MARCHF1: variants seen among roughly 807,000 people sequenced by gnomAD.
MARCHF1 encodes the protein E3 ubiquitin-protein ligase MARCHF1.
A neutral mutation model predicts 54.2 loss-of-function variants in MARCHF1; 40 were observed. The observed-to-expected ratio is 0.74, with a 90% confidence interval of 0.57 to 0.96. MARCHF1 has a LOEUF of 0.96. Among genes scored for constraint, MARCHF1 ranks in the 40% least tolerant of loss-of-function variants. The probability of loss-of-function intolerance (pLI) is 0.00; values close to 1 mark genes in which losing one functional copy is unlikely to be tolerated. For missense variants in MARCHF1, 586 were observed against 656.5 expected (o/e 0.89, Z 1.17); for synonymous variants, 236 against 236.3 (o/e 1.00, Z 0.01).
chr4:164,176,996 A>C (rs1230627978), intron 1 of MARCHF1, among the ~76,000 whole-genome samples: 6 of 90,064 alleles, frequency 6.7e-5, no homozygotes, highest in African/African-American at 3.2e-4. Context: ...ATATATATAT[A>C]TATATATATA....
At chr4:164,235,461 ATAAAGT>A (rs1732522001) in intron 1 of MARCHF1, among the ~76,000 whole-genome samples, 1 of 152,162 alleles carries the variant, frequency 6.6e-6, no homozygotes, top group South Asian at 2.1e-4. Flanking sequence ...ACCTTCTCAG[ATAAAGT>A]TAAAGTTGTC....
intron 1 of MARCHF1, among the ~76,000 whole-genome samples, chr4:164,127,032 C>T (rs994898802): frequency 1.3e-4 from 17 of 130,930 alleles, no homozygotes; most frequent in African/African-American, 3.9e-4. Flanking sequence ...CTACCCTGGG[C>T]GACAGAGTGA....
rs149480011 is a variant in MARCHF1 at position 163,773,688 on chromosome 4, C to A, written c.112-72825G>T. ...TGGGTGACACCTCATTTTTCACACA[C>A]CTCACAGGGACAACAGCCTCAAGGG... On this transcript the variant is annotated intron_variant, in intron 4 of 9. Coordinates refer to ENST00000514618, the MANE Select transcript of MARCHF1 (RefSeq NM_001394959.1). Among the ~76,000 whole-genome samples, 53 of 152,248 alleles carry A rather than the reference C, an allele frequency of 3.5e-4. 1 individual carries two copies. The East Asian group carries it at 0.01, about 29-fold the overall frequency.
At chr4:163,631,218 A>G (rs1286090648) in intron 5 of MARCHF1, among the ~76,000 whole-genome samples, 1 of 150,826 alleles carries the variant, frequency 6.6e-6, no homozygotes, top group East Asian at 1.9e-4. Flanking sequence ...TTTTTTTGAG[A>G]TGGAGTCTCT....
chr4:163,657,299 C>G (rs1237970400), intron 5 of MARCHF1, among the ~76,000 whole-genome samples: 1 of 151,960 alleles, frequency 6.6e-6, no homozygotes, highest in Non-Finnish European at 1.5e-5. Context: ...TGAATGAACT[C>G]CCATTCACAA....
At chr4:163,622,835 A>G (rs1741735440) in intron 5 of MARCHF1, among the ~76,000 whole-genome samples, 1 of 152,162 alleles carries the variant, frequency 6.6e-6, no homozygotes, top group Admixed American at 6.5e-5. Flanking sequence ...GACAATTCAC[A>G]ACATTAGGGG....
At chr4:163,933,068 C>A (rs1425076429) in intron 3 of MARCHF1, 6 of 1,476,928 alleles carry the variant, frequency 4.1e-6, no homozygotes, top group Non-Finnish European at 5.5e-6. Flanking sequence ...TTCTTAATAA[C>A]CCAGAGCTTG....
At chr4:163,968,736 G>A (rs1752491747) in intron 3 of MARCHF1, among the ~76,000 whole-genome samples, 1 of 151,996 alleles carries the variant, frequency 6.6e-6, no homozygotes, top group Non-Finnish European at 1.5e-5. Context: ...CTAATACTTG[G>A]CCACCATTTC....
At chr4:163,529,777 G>A (rs1387573379) in intron 9 of MARCHF1, 3 of 152,098 alleles carry the variant, frequency 2.0e-5, no homozygotes, top group Middle Eastern at 3.4e-3. Flanking sequence ...TTATTTCACA[G>A]GCATTTCAGT....
intron 1 of MARCHF1, among the ~76,000 whole-genome samples, chr4:164,193,787 C>T (rs572287012): frequency 1.3e-5 from 2 of 152,284 alleles, no homozygotes; most frequent in Non-Finnish European, 2.9e-5. Context: ...GCACAAAGAT[C>T]TGTAAATTTC....
chr4:164,029,572 T>C (rs1315164205), intron 2 of MARCHF1, among the ~76,000 whole-genome samples: 1 of 151,444 alleles, frequency 6.6e-6, no homozygotes, highest in Non-Finnish European at 1.5e-5. Flanking sequence ...AATTGACATA[T>C]ATATATATGT....
At chr4:163,964,262 T>A (rs1319799373) in intron 3 of MARCHF1, among the ~76,000 whole-genome samples, 4 of 151,994 alleles carry the variant, frequency 2.6e-5, no homozygotes, top group Non-Finnish European at 5.9e-5. Context: ...GAAAATAACT[T>A]TTTTTAAAAA....
At chr4:163,788,510 AG>A (rs772649765) in intron 4 of MARCHF1, among the ~76,000 whole-genome samples, 1 of 151,970 alleles carries the variant, frequency 6.6e-6, no homozygotes, top group Non-Finnish European at 1.5e-5. Context: ...ACAGATTTTT[AG>A]TATTTCCCTG....
chr4:163,832,685 C>T (rs1247023470), intron 4 of MARCHF1, among the ~76,000 whole-genome samples: 2 of 150,434 alleles, frequency 1.3e-5, no homozygotes, highest in Admixed American at 6.6e-5. Flanking sequence ...GTGTGTTGCA[C>T]CCATTAACTC....
chr4:164,148,276 C>T lies in MARCHF1; in HGVS notation c.-322-36614G>A, dbSNP rs528365030. ...TGATGCCAGTTCACAAGATTTTGCTCATTTCTTGAATACAATTCCAAAATC... is the reference window on the plus strand; with the variant it reads ...TGATGCCAGTTCACAAGATTTTGCTTATTTCTTGAATACAATTCCAAAATC... On this transcript the variant is annotated intron_variant, in intron 1 of 9. Coordinates refer to ENST00000514618, the MANE Select transcript of MARCHF1 (RefSeq NM_001394959.1). 4.2e-3 allele frequency among the ~76,000 whole-genome samples: 640 copies of T among 152,178 alleles called. 3 individuals are homozygous for T. Among genetic ancestry groups the T allele is most frequent in the Non-Finnish European group, 5.4e-3 (366 of 68,008 alleles).
Position 163,988,718 on chromosome 4 carries a change from AG to A in MARCHF1, c.-247-10del, listed in dbSNP as rs1469769234. 6.6e-6 allele frequency: 1 copy of A among 151,858 alleles called. No homozygotes were observed. The highest frequency in any genetic ancestry group is 1.5e-5 in the Non-Finnish European group (1 of 67,924). The allele number at this position is 151,858 out of a possible 1,614,324, so 9.4% of individuals were successfully genotyped here. Reference sequence around the variant, plus strand: ...CTTTGCCAAGCTCAGGTCTAAACAAAGAGGGGAAAAATAGTGTTTGAGACAC... The same window carrying A: ...CTTTGCCAAGCTCAGGTCTAAACAAAAGGGGAAAAATAGTGTTTGAGACAC... On this transcript the variant is annotated splice_polypyrimidine_tract_variant and intron_variant, in intron 2 of 9. Coordinates refer to ENST00000514618, the MANE Select transcript of MARCHF1 (RefSeq NM_001394959.1).
At chr4:164,005,055 C>T (rs770885317) in intron 2 of MARCHF1, among the ~76,000 whole-genome samples, 1 of 151,796 alleles carries the variant, frequency 6.6e-6, no homozygotes, top group Non-Finnish European at 1.5e-5. Flanking sequence ...GAAGCTGATT[C>T]TTTGAAAAGA....
At chr4:163,906,755 T>C (rs866907045) in intron 3 of MARCHF1, among the ~76,000 whole-genome samples, 2 of 151,880 alleles carry the variant, frequency 1.3e-5, no homozygotes, top group African/African-American at 4.8e-5. Flanking sequence ...TTATTTGACA[T>C]AGACAATTTA....
At chr4:164,240,725 CA>C (rs1732716424) in intron 1 of MARCHF1, among the ~76,000 whole-genome samples, 1 of 152,034 alleles carries the variant, frequency 6.6e-6, no homozygotes, top group South Asian at 2.1e-4. Context: ...GGGCATGGGA[CA>C]AACTGACTAT....
Sources: allele counts gnomAD v4.1 joint callset (sites outside exome capture counted in the v4.1 genomes callset), GRCh38; gene constraint gnomAD v4.1.1; transcripts MANE v1.5; gene names NCBI Gene and HGNC (gene_info 2026-07-23, HGNC 2026-07-21).